The following KAZN variants were observed in gnomAD, a reference collection of about 807,000 sequenced individuals.
KAZN encodes the protein kazrin.
KAZN carries 40 observed loss-of-function variants against 87.4 expected under a neutral mutation model. That is an observed-to-expected ratio of 0.46 (90% CI 0.36 to 0.60). The LOEUF (loss-of-function observed/expected upper bound fraction) is 0.60, where lower values mean the gene tolerates loss of function less well. KAZN is among the 20% of genes least tolerant of loss of function. The probability of loss-of-function intolerance (pLI) is 0.00; values close to 1 mark genes in which losing one functional copy is unlikely to be tolerated. For synonymous variants in KAZN, 466 were observed against 458.3 expected, an observed-to-expected ratio of 1.02 and a Z score of -0.22; for missense variants, 898 against 1,073.9, an observed-to-expected ratio of 0.84 and a Z score of 2.29.
At chr1:14,034,167 C>T (rs749290743) in intron 1 of KAZN, among the ~76,000 whole-genome samples, 5 of 152,172 alleles carry the variant, frequency 3.3e-5, no homozygotes, top group Non-Finnish European at 7.4e-5. Flanking sequence ...CAGCCTGTAT[C>T]AGGTGGCTAT....
At chr1:15,106,329 A>C (rs1641295023) in intron 13 of KAZN, among the ~76,000 whole-genome samples, 1 of 152,224 alleles carries the variant, frequency 6.6e-6, no homozygotes, top group Non-Finnish European at 1.5e-5. Flanking sequence ...GCCATGAATC[A>C]AAAGACACAG....
At chr1:14,680,156 G>A (rs780588773) in intron 1 of KAZN, among the ~76,000 whole-genome samples, 2 of 151,860 alleles carry the variant, frequency 1.3e-5, no homozygotes, top group Non-Finnish European at 2.9e-5. Context: ...AAAAAATTAC[G>A]GTATGATTCA....
At chr1:13,961,494 A>G (rs1217192612) in intron 1 of KAZN, among the ~76,000 whole-genome samples, 2 of 152,284 alleles carry the variant, frequency 1.3e-5, no homozygotes, top group Middle Eastern at 3.4e-3. Flanking sequence ...CCTTGATGAT[A>G]TTTAATGAAG....
rs143842024 is a variant in KAZN, at chr1:14,940,666, G to A, written c.227-20018G>A. Among the ~76,000 whole-genome samples, 83 of 152,270 alleles carry A rather than the reference G, an allele frequency of 5.5e-4. No homozygotes were observed. In the Middle Eastern group the frequency reaches 0.017, roughly 31 times the overall value. Reference sequence around the variant, plus strand: ...CTGGAGCCTGTACCTTCTCTTGCACGTCCTAAGGAAGAATGTTCCCCGGGC... The same window carrying A: ...CTGGAGCCTGTACCTTCTCTTGCACATCCTAAGGAAGAATGTTCCCCGGGC... On this transcript the variant is annotated intron_variant, in intron 1 of 14. Coordinates refer to ENST00000376030, the MANE Select transcript of KAZN (RefSeq NM_201628.3).
At chr1:14,932,612 A>G (rs892586135) in intron 1 of KAZN, among the ~76,000 whole-genome samples, 4 of 152,130 alleles carry the variant, frequency 2.6e-5, no homozygotes, top group Non-Finnish European at 5.9e-5. Flanking sequence ...CATGAGGCTC[A>G]TGAGTGTTTC....
chr1:14,122,852 T>G (rs183067646), intron 1 of KAZN, among the ~76,000 whole-genome samples: 20 of 152,304 alleles, frequency 1.3e-4, no homozygotes, highest in African/African-American at 4.6e-4. Context: ...GTACCTGTAT[T>G]ATGTTCTACT....
chr1:14,108,912 T>C (rs1644438475), intron 1 of KAZN, among the ~76,000 whole-genome samples: 1 of 152,220 alleles, frequency 6.6e-6, no homozygotes, highest in African/African-American at 2.4e-5. Flanking sequence ...CCATCATGGC[T>C]GGGTCTGTGC....
At chr1:14,042,707 A>G (rs939399810) in intron 1 of KAZN, among the ~76,000 whole-genome samples, 9 of 152,092 alleles carry the variant, frequency 5.9e-5, no homozygotes, top group Non-Finnish European at 1.2e-4. Context: ...TCATTTTGCC[A>G]TCTTGGAACT....
In KAZN at chr1:14,471,332, A is replaced by T. The variant is rs142560255; in HGVS notation, c.250-127651A>T. ...TAGAATATAATAGAAAATAACACAT[A>T]TTCAGGCATAAAAGGTAAAATTACA... On this transcript the variant is annotated intron_variant, in intron 2 of 16. Transcript: ENST00000636203. 1.1e-4 allele frequency among the ~76,000 whole-genome samples: 17 copies of T among 152,350 alleles called. 1 individual carries two copies. The East Asian group carries it at 2.5e-3, about 22-fold the overall frequency.
intron 1 of KAZN, among the ~76,000 whole-genome samples, chr1:14,025,203 T>C (rs1303558375): frequency 6.6e-6 from 1 of 152,194 alleles, no homozygotes. Context: ...ATCATGCACT[T>C]CACTCAACAG....
chr1:14,528,846 G>C (rs1304015322), intron 2 of KAZN, among the ~76,000 whole-genome samples: 2 of 151,248 alleles, frequency 1.3e-5, no homozygotes, highest in African/African-American at 4.9e-5. Flanking sequence ...TCCATCTCAG[G>C]CAACATTGTC....
rs78087892 is a variant in KAZN at position 14,433,403 on chromosome 1, AT to A, written c.250-165572del. Among the ~76,000 whole-genome samples the A allele has an allele frequency of 1.9e-3, 295 of 152,036 alleles. 7 individuals carry two copies. The East Asian group carries it at 0.041, about 21-fold the overall frequency. On this transcript the variant is annotated intron_variant, in intron 2 of 16. Coordinates refer to the KAZN transcript ENST00000636203. Reference sequence around the variant, plus strand: ...AACATAATATTTTTGAGATTCATCCATTTTTTTTGTGGTTTGCTCTTACAGA... The same window carrying A: ...AACATAATATTTTTGAGATTCATCCATTTTTTTGTGGTTTGCTCTTACAGA...
At chr1:14,269,342 ACT>A (rs1651744660) in intron 2 of KAZN, among the ~76,000 whole-genome samples, 1 of 151,898 alleles carries the variant, frequency 6.6e-6, no homozygotes, top group Admixed American at 6.6e-5. Flanking sequence ...AGTTTGAGAA[ACT>A]CTCCTAATAG....
chr1:14,256,797 C>A (rs1650551844), intron 2 of KAZN, among the ~76,000 whole-genome samples: 1 of 152,020 alleles, frequency 6.6e-6, no homozygotes, highest in South Asian at 2.1e-4. Context: ...GATAGTAAAC[C>A]TAAATTTACT....
rs111897312 is a variant in KAZN, at chr1:14,265,365, A to G, written c.249+84773A>G. Among the ~76,000 whole-genome samples, 80 of 152,332 alleles carry G rather than the reference A, an allele frequency of 5.3e-4. 1 individual carries two copies. The highest frequency in any genetic ancestry group is 1.9e-3 in the African/African-American group (78 of 41,568). On this transcript the variant is annotated intron_variant, in intron 2 of 16. Transcript: ENST00000636203. The stretch of plus-strand genomic sequence containing the variant: ...ATGGAAAAGGCACCAAGATTGTTAT[A>G]CCACCTACGCATTATCACAACTCCA...
chr1:14,079,639 A>T (rs1432144653), intron 1 of KAZN, among the ~76,000 whole-genome samples: 1 of 152,226 alleles, frequency 6.6e-6, no homozygotes, highest in Admixed American at 6.5e-5. Context: ...TCCAAAGTCG[A>T]TATACTCACA....
At chr1:14,688,079 C>A (rs1641063069) in intron 1 of KAZN, among the ~76,000 whole-genome samples, 1 of 152,152 alleles carries the variant, frequency 6.6e-6, no homozygotes, top group African/African-American at 2.4e-5. Flanking sequence ...CCCACCCGTG[C>A]CCTAGACGTC....
chr1:14,908,812 C>T (rs758278850), intron 1 of KAZN, among the ~76,000 whole-genome samples: 1 of 152,124 alleles, frequency 6.6e-6, no homozygotes, highest in Non-Finnish European at 1.5e-5. Flanking sequence ...GTCAGGAATT[C>T]AAGACCACCC....
At chr1:14,043,506 G>A (rs1010064190) in intron 1 of KAZN, among the ~76,000 whole-genome samples, 1 of 152,016 alleles carries the variant, frequency 6.6e-6, no homozygotes, top group African/African-American at 2.4e-5. Context: ...TTTTTTTGAG[G>A]AACTGTCGTA....
Sources: gnomAD v4.1 joint callset for allele counts (sites outside exome capture counted in the v4.1 genomes callset) on GRCh38, gnomAD v4.1.1 for gene constraint, MANE v1.5 for transcripts, NCBI Gene and HGNC (gene_info 2026-07-23, HGNC 2026-07-21) for gene names.